NADK: variants seen among roughly 807,000 people sequenced by gnomAD.
NADK encodes NAD kinase, also known as poly(P)/ATP NAD kinase.
Under a neutral mutation model 49.8 loss-of-function variants are expected in NADK, and 22 were observed. The observed-to-expected ratio is 0.44, with a 90% CI of 0.32 to 0.63. The LOEUF (loss-of-function observed/expected upper bound fraction) is 0.63, where lower values mean the gene tolerates loss of function less well. Among genes scored for constraint, NADK ranks in the 30% least tolerant of loss-of-function variants. NADK has a pLI of 0.06. For missense variants in NADK, 438 were observed against 609.4 expected, an observed-to-expected ratio of 0.72 and a Z score of 2.96; for synonymous variants, 268 against 253.7, an observed-to-expected ratio of 1.06 and a Z score of -0.54.
rs761673878 is a variant in NADK at position 1,756,677 on chromosome 1, T to C, written c.394-69A>G. On this transcript the variant is annotated intron_variant, in intron 4 of 11. Transcript: ENST00000341426. ...ACCCTCCTGCAGGGAGGTTCCCGACTCACGGGCGCTGTGGTCAGAGACCTG... is the reference window on the plus strand; with the variant it reads ...ACCCTCCTGCAGGGAGGTTCCCGACCCACGGGCGCTGTGGTCAGAGACCTG... 5.0e-6 allele frequency: 8 copies of C among 1,606,726 alleles called. No individual in the cohort carries two copies. The East Asian group carries it at 1.8e-4, about 36-fold the overall frequency.
intron 1 of NADK, among the ~76,000 whole-genome samples, chr1:1,767,063 C>A (rs769515102): frequency 6.6e-6 from 1 of 152,076 alleles, no homozygotes; most frequent in Non-Finnish European, 1.5e-5. Context: ...TACAGGCGTG[C>A]GCCACCACGC....
chr1:1,758,292 A>ACGC, intron 3 of NADK: 1 of 1,514,894 alleles, frequency 6.6e-7, no homozygotes, highest in East Asian at 2.3e-5. Context: ...CACAACACAG[A>ACGC]CGCCGATGGC....
intron 2 of NADK, among the ~76,000 whole-genome samples, chr1:1,763,531 A>C (rs1047376146): frequency 2.0e-5 from 3 of 151,706 alleles, no homozygotes; most frequent in African/African-American, 7.3e-5. Flanking sequence ...AGGCAGGAGA[A>C]TCACTTGAAC....
At chr1:1,753,710 C>T in intron 10 of NADK, 61 bp from the exon 11 acceptor site, 1 of 1,449,272 alleles carries the variant, frequency 6.9e-7, no homozygotes, top group Non-Finnish European at 9.5e-7. Context: ...TTCTAGGCAC[C>T]CACCCCTGAG....
At chr1:1,759,253 A>C in intron 3 of NADK, 1 of 1,562,694 alleles carries the variant, frequency 6.4e-7, no homozygotes, top group Non-Finnish European at 8.7e-7. Flanking sequence ...CCTGCAAAGC[A>C]GGACACCAGC....
chr1:1,779,369 C>T (rs983265959), upstream of NADK, among the ~76,000 whole-genome samples: 5 of 152,200 alleles, frequency 3.3e-5, no homozygotes, highest in African/African-American at 1.2e-4. Flanking sequence ...CTTCAGGCCT[C>T]AAATATCCCA....
At chr1:1,757,733 G>C (rs998262594) in intron 3 of NADK, among the ~76,000 whole-genome samples, 1 of 152,138 alleles carries the variant, frequency 6.6e-6, no homozygotes, top group Admixed American at 6.5e-5. Context: ...ACCCAAACCA[G>C]TTGACATGGT....
rs754812615 is a variant in NADK, at chr1:1,754,102, G to C, written c.1050C>G (p.Pro350=). ...VPAIMITPIC[P]HSLSFRPIVV... ...CGATGGGCCGGAAGGACAGCGAGTG[G>C]GGGCAGATGGGCGTGATCATGATGG... The change falls in exon 10 of 12, where the codon CCC becomes CCG. Residue 350 remains proline, a synonymous_variant. Transcript: ENST00000341426. This position sits in a 1 kb window ranked among gnomAD's most constrained non-coding sequence, Gnocchi z 4.3. The C allele has an allele frequency of 2.5e-6, 4 of 1,606,856 alleles. No homozygotes were observed. The highest frequency in any genetic ancestry group is 3.4e-6 in the Non-Finnish European group (4 of 1,176,316).
intron 4 of NADK, 91 bp downstream of exon 4, chr1:1,757,090 G>A (rs1645550734): frequency 6.5e-7 from 1 of 1,529,734 alleles, no homozygotes. Flanking sequence ...CACTTGAGGT[G>A]GTTCCCATGG....
intron 1 of NADK, among the ~76,000 whole-genome samples, chr1:1,768,862 T>C (rs1274282882): frequency 6.6e-6 from 1 of 152,206 alleles, no homozygotes; most frequent in Non-Finnish European, 1.5e-5. Flanking sequence ...TCAGGAACTA[T>C]GGACACAAGA....
At chr1:1,768,197 A>T (rs1387929550) in intron 1 of NADK, among the ~76,000 whole-genome samples, 2 of 148,412 alleles carry the variant, frequency 1.3e-5, no homozygotes, top group Non-Finnish European at 3.0e-5. Flanking sequence ...AGAAAAAATG[A>T]GGTCATAAGT....
chr1:1,762,887 C>T (rs891028051), intron 2 of NADK, among the ~76,000 whole-genome samples: 7 of 152,248 alleles, frequency 4.6e-5, no homozygotes, highest in East Asian at 1.9e-4. Context: ...CTGTGGCAGC[C>T]GCACGCGTCC....
Position 1,757,190 on chromosome 1 carries a change from G to A in NADK, c.384C>T (p.His128=), listed in dbSNP as rs750332556. The change falls in exon 4 of 12, where the codon CAC becomes CAT. Residue 128 remains histidine (H), a synonymous_variant. Transcript: ENST00000341426. ...CCCCTGCCCCGCGTGCCTCCATGAG[G>A]TGCGTGCAGAGCTCCTTGAACGGCT... The part of the protein sequence containing the change: ...LLQPFKELCT[H]LMEENMIVYV... The A allele has an allele frequency of 6.2e-6, 10 of 1,606,724 alleles. No individual in the cohort carries two copies. Among genetic ancestry groups the A allele is most frequent in the Non-Finnish European group, 8.5e-6 (10 of 1,175,384 alleles).
Position 1,754,659 on chromosome 1 carries a change from C to G in NADK, c.728G>C (p.Arg243Thr), listed in dbSNP as rs1465102638. The G allele has an allele frequency of 6.2e-7, 1 of 1,614,014 alleles. No individual in the cohort carries two copies. The highest frequency in any genetic ancestry group is 8.5e-7 in the Non-Finnish European group (1 of 1,179,980). Reference protein sequence around the residue: ...AVVLRSRLKVRVVKELRGKKT... With the variant: ...AVVLRSRLKVTVVKELRGKKT... ...CTTCCCCCGGAGCTCCTTCACCACC[C>G]TGACCTTCAGCCGACTCCGGAGAAC... The change falls in exon 8 of 12, where the codon AGG becomes ACG. Residue 243 changes from arginine to threonine, a missense_variant. By Grantham distance (71) the Arg-to-Thr change is moderately conservative (BLOSUM62 -1). Transcript: ENST00000341426. This position sits in a 1 kb window ranked among gnomAD's most constrained non-coding sequence, Gnocchi z 4.3.
chr1:1,771,973 A>ATT (rs34024968), intron 1 of NADK, among the ~76,000 whole-genome samples: 90 of 143,464 alleles, frequency 6.3e-4, no homozygotes, highest in East Asian at 1.2e-3. Flanking sequence ...ACACCTGGAA[A>ATT]TTTTTTTTTT....
At chr1:1,757,146 G>GCCCCCCCCGCCCCC (rs971935478) in intron 4 of NADK, 35 bp downstream of exon 4, 2 of 1,524,050 alleles carry the variant, frequency 1.3e-6, no homozygotes, top group East Asian at 2.4e-5. Flanking sequence ...AACTCCATGT[G>GCCCCCCCCGCCCCC]CACCCCAGGC....
upstream of NADK, among the ~76,000 whole-genome samples, chr1:1,779,721 G>A (rs1646316668): frequency 6.6e-6 from 1 of 151,778 alleles, no homozygotes; most frequent in South Asian, 2.1e-4. Flanking sequence ...TTTTGCCCAG[G>A]CTGGGTCTCA....
At chr1:1,756,079 G>GC in intron 6 of NADK, 179 bp downstream of exon 6, 1 of 642,696 alleles carries the variant, frequency 1.6e-6, no homozygotes, top group Non-Finnish European at 2.8e-6. Flanking sequence ...TGTCCACACT[G>GC]CCCCTGGCCC....
At chr1:1,759,768 G>T in intron 3 of NADK, 1 of 1,556,818 alleles carries the variant, frequency 6.4e-7, no homozygotes, top group Non-Finnish European at 8.7e-7. Context: ...GCCTCGGGCA[G>T]CTCGGGGACC....
Sources: gnomAD v4.1 joint callset for allele counts (sites outside exome capture counted in the v4.1 genomes callset) on GRCh38, gnomAD v4.1.1 for gene constraint, Gnocchi (gnomAD v3.1) non-coding constraint, MANE v1.5 for transcripts, NCBI Gene and HGNC (gene_info 2026-07-23, HGNC 2026-07-21) for gene names.